Variants in ERCC8 observed in about 807,000 individuals in gnomAD.
The protein encoded by ERCC8 is DNA excision repair protein ERCC-8.
A neutral mutation model predicts 54.9 loss-of-function variants in ERCC8; 52 were observed. The observed-to-expected ratio is 0.95, with a 90% CI of 0.76 to 1.19. ERCC8 has a LOEUF of 1.19. ERCC8 is among the 50% of genes most tolerant of loss of function. The pLI is 0.00. For missense variants in ERCC8, 514 were observed against 466.1 expected, an observed-to-expected ratio of 1.10 and a Z score of -0.95; for synonymous variants, 146 against 157.2, an observed-to-expected ratio of 0.93 and a Z score of 0.53.
chr5:60,918,703 G>GT, intron 3 of ERCC8: 1 of 349,838 alleles, frequency 2.9e-6, no homozygotes, highest in South Asian at 2.7e-5. Context: ...AGAGTGATTT[G>GT]GTCTTACTGG....
At chr5:60,882,970 AAC>A (rs10550173) in intron 11 of ERCC8, among the ~76,000 whole-genome samples, 4,665 of 144,316 alleles carry the variant, frequency 0.032, 140 homozygotes, top group African/African-American at 0.079. Flanking sequence ...GCCCTGGGAA[AAC>A]ACACACACAC....
intron 6 of ERCC8, chr5:60,903,377 T>G: frequency 2.5e-6 from 1 of 401,616 alleles, no homozygotes; most frequent in Non-Finnish European, 4.4e-6. Context: ...CATTAGTCTT[T>G]TTAATGTAGA....
intron 11 of ERCC8, among the ~76,000 whole-genome samples, chr5:60,878,557 T>A (rs1748092711): frequency 6.6e-6 from 1 of 152,234 alleles, no homozygotes; most frequent in Non-Finnish European, 1.5e-5. Context: ...GAGCCTGTTA[T>A]TGGTCTATTC....
chr5:60,888,660 AT>A (rs1298554913), intron 10 of ERCC8, among the ~76,000 whole-genome samples: 7 of 152,214 alleles, frequency 4.6e-5, no homozygotes, highest in Non-Finnish European at 2.9e-5. Flanking sequence ...GGAGGAGTTC[AT>A]TTGGGCAATT....
chr5:60,876,099 A>G (rs527390747), intron 11 of ERCC8, among the ~76,000 whole-genome samples: 4 of 151,852 alleles, frequency 2.6e-5, no homozygotes, highest in Admixed American at 6.6e-5. Flanking sequence ...TTACTGTTCA[A>G]TTCCCACCTA....
chr5:60,916,266 T>A (rs1364683080), intron 4 of ERCC8, among the ~76,000 whole-genome samples: 3 of 152,098 alleles, frequency 2.0e-5, no homozygotes, highest in Non-Finnish European at 4.4e-5. Context: ...TCTAGCTTTA[T>A]GAAATTGACT....
At chr5:60,922,240 AT>A in intron 2 of ERCC8, 85 bp from the exon 3 acceptor site, 2 of 831,606 alleles carry the variant, frequency 2.4e-6, no homozygotes, top group Non-Finnish European at 4.0e-6. Context: ...CTAAAAACTG[AT>A]TTGCAAACAC....
At chr5:60,908,250 T>G (rs1220669687) in intron 4 of ERCC8, among the ~76,000 whole-genome samples, 1 of 152,092 alleles carries the variant, frequency 6.6e-6, no homozygotes, top group Non-Finnish European at 1.5e-5. Flanking sequence ...AGGTTTGCAT[T>G]ATACTTACAA....
chr5:60,906,657 A>C (rs1044053429), intron 4 of ERCC8, among the ~76,000 whole-genome samples: 1 of 152,022 alleles, frequency 6.6e-6, no homozygotes, highest in Non-Finnish European at 1.5e-5. Flanking sequence ...TGAACCCGGG[A>C]GGCAGAGGTT....
chr5:60,887,669 C>G, intron 10 of ERCC8, 149 bp from the exon 11 acceptor site: 1 of 666,158 alleles, frequency 1.5e-6, no homozygotes. Context: ...GCTGTTTTTC[C>G]TTTGTTTCTT....
chr5:60,895,965 T>C (rs1394927758), intron 9 of ERCC8, among the ~76,000 whole-genome samples: 2 of 151,902 alleles, frequency 1.3e-5, no homozygotes, highest in African/African-American at 4.9e-5. Flanking sequence ...TACAACTTAA[T>C]GTCATATTAA....
intron 9 of ERCC8, chr5:60,893,064 G>C: frequency 1.3e-6 from 1 of 777,660 alleles, no homozygotes; most frequent in South Asian, 1.4e-5. Context: ...AACCTCCTTG[G>C]GGTCCAGGTC....
intron 3 of ERCC8, among the ~76,000 whole-genome samples, chr5:60,920,411 A>G (rs190794971): frequency 1.7e-4 from 26 of 152,052 alleles, no homozygotes; most frequent in Admixed American, 1.2e-3. Context: ...TTTAAATTTT[A>G]AAATAGGATA....
intron 1 of ERCC8, among the ~76,000 whole-genome samples, chr5:60,936,257 T>C (rs1750063213): frequency 6.6e-6 from 1 of 152,210 alleles, no homozygotes; most frequent in South Asian, 2.1e-4. Context: ...GGGTTGCGTA[T>C]TTCCAGGAAT....
In ERCC8 at chr5:60,870,482, T is replaced by TAAA. The variant is rs57423118; in HGVS notation, c.*4130_*4132dup. On this transcript the variant is annotated 3_prime_UTR_variant, in exon 12 of 12. Coordinates refer to ENST00000676185, the MANE Select transcript of ERCC8 (RefSeq NM_000082.4). ...CAACATGGTGAAACCCCACCTCTGCTAAAAAAAAAAAAAAAAAAAAAAAAA... is the reference window on the plus strand; with the variant it reads ...CAACATGGTGAAACCCCACCTCTGCTAAAAAAAAAAAAAAAAAAAAAAAAAAAA... 0.032 allele frequency among the ~76,000 whole-genome samples: 1,559 copies of TAAA among 48,642 alleles called. 247 individuals carry two copies. Among genetic ancestry groups the TAAA allele is most frequent in the African/African-American group, 0.13 (1,250 of 9,960 alleles). The allele number at this position is 48,642 out of a possible 152,430, so 31.9% of individuals were successfully genotyped here.
At chr5:60,899,587 AT>A (rs1234147192) in intron 8 of ERCC8, 39 bp downstream of exon 8, 1 of 1,438,192 alleles carries the variant, frequency 7.0e-7, no homozygotes, top group Non-Finnish European at 9.8e-7. Context: ...ATGTAAAAAA[AT>A]ACTATCATTG....
Position 60,871,519 on chromosome 5 carries a change from G to A in ERCC8, c.*3096C>T, listed in dbSNP as rs1418000779. Among the ~76,000 whole-genome samples, 1 of 152,140 alleles carries A rather than the reference G, an allele frequency of 6.6e-6. No individual in the cohort carries two copies. Among genetic ancestry groups the A allele is most frequent in the Non-Finnish European group, 1.5e-5 (1 of 68,032 alleles). On this transcript the variant is annotated 3_prime_UTR_variant, in exon 12 of 12. Transcript: ENST00000676185. Reference sequence around the variant, plus strand: ...AATGTGGTACTAATGTGGAAAGAGAGGGGTGTTTATAACAACAGCTTGTTG... The same window carrying A: ...AATGTGGTACTAATGTGGAAAGAGAAGGGTGTTTATAACAACAGCTTGTTG...
rs1378832514 is a variant in ERCC8 at position 60,871,700 on chromosome 5, T to C, written c.*2915A>G. Among the ~76,000 whole-genome samples, 1 of 152,232 alleles carries C rather than the reference T, an allele frequency of 6.6e-6. No individual in the cohort carries two copies. The highest frequency in any genetic ancestry group is 1.5e-5 in the Non-Finnish European group (1 of 68,036). On this transcript the variant is annotated 3_prime_UTR_variant, in exon 12 of 12. Transcript: ENST00000676185. ...TTGTTTGAATTATTTATAATGAGCCTATATATCTATATAACTAGAAGTAAG... is the reference window on the plus strand; with the variant it reads ...TTGTTTGAATTATTTATAATGAGCCCATATATCTATATAACTAGAAGTAAG...
intron 9 of ERCC8, among the ~76,000 whole-genome samples, chr5:60,896,785 C>T (rs146983649): frequency 9.9e-5 from 15 of 152,224 alleles, no homozygotes; most frequent in African/African-American, 3.6e-4. Context: ...GGGCATGAGA[C>T]TCACCTTCAA....
Sources: allele counts gnomAD v4.1 joint callset (sites outside exome capture counted in the v4.1 genomes callset), GRCh38; gene constraint gnomAD v4.1.1; transcripts MANE v1.5; gene names NCBI Gene and HGNC (gene_info 2026-07-23, HGNC 2026-07-21).